Variants in MMP9 observed in about 807,000 individuals in gnomAD.
MMP9 encodes matrix metalloproteinase-9.
A neutral mutation model predicts 76.4 loss-of-function variants in MMP9; 73 were observed. That is an observed-to-expected ratio of 0.96 (90% CI 0.79 to 1.16). MMP9 has a LOEUF of 1.16. Among genes scored for constraint, MMP9 ranks in the 50% most tolerant of loss-of-function variants. The pLI is 0.00. For synonymous variants in MMP9, 412 were observed against 408.4 expected (o/e 1.01, Z -0.11); for missense variants, 943 against 973.0 (o/e 0.97, Z 0.41).
At position 46,011,728 on chromosome 20, in the gene MMP9, C is replaced by T. The variant is rs769668671; in HGVS notation, c.978C>T (p.Phe326=). 6 of 1,612,702 alleles carry T rather than the reference C, an allele frequency of 3.7e-6. No individual in the cohort carries two copies. The highest frequency in any genetic ancestry group is 2.2e-5 in the East Asian group (1 of 44,866). The change falls in exon 6 of 13, where the codon TTC becomes TTT. Residue 326 remains phenylalanine, a synonymous_variant. Transcript: ENST00000372330. The part of the protein sequence containing the change: ...TTANYDRDKL[F]GFCPTRADST... ...CCAACTACGACCGGGACAAGCTCTT[C>T]GGCTTCTGCCCGACCCGAGGTACCT...
rs2084306555 is a variant in MMP9 at position 46,014,394 on chromosome 20, T to C, written c.1925T>C (p.Val642Ala). ...LWRFDVKAQM[V>A]DPRSASEVDR... ...AGGTTCGACGTGAAGGCGCAGATGG[T>C]GGATCCCCGGAGCGCCAGCGAGGTG... The change falls in exon 12 of 13, where the codon GTG becomes GCG. Residue 642 changes from valine to alanine, a missense_variant. Val to Ala is a moderately conservative substitution (Grantham distance 64). Coordinates refer to ENST00000372330, the MANE Select transcript of MMP9 (RefSeq NM_004994.3). The C allele has an allele frequency of 1.9e-6, 3 of 1,549,196 alleles. No homozygotes were observed. Among genetic ancestry groups the C allele is most frequent in the Non-Finnish European group, 1.7e-6 (2 of 1,146,976 alleles).
At chr20:46,014,511 A>T (rs1400396700) in intron 12 of MMP9, 37 bp downstream of exon 12, 1 of 1,530,194 alleles carries the variant, frequency 6.5e-7, no homozygotes, top group Non-Finnish European at 8.8e-7. Context: ...GAGACACCAC[A>T]CTAAGCTCCT....
Position 46,016,419 on chromosome 20 carries a change from C to A in MMP9, c.*51C>A. 1 of 1,456,118 alleles carries A rather than the reference C, an allele frequency of 6.9e-7. No individual in the cohort carries two copies. The highest frequency in any genetic ancestry group is 9.7e-7 in the Non-Finnish European group (1 of 1,036,246). 90.2% of individuals were successfully genotyped at this position (1,456,118 alleles called of 1,614,324 possible). ...CATGTAAATCCCCACTGGGACCAACCCTGGGGAAGGAGCCAGTTTGCCGGA... is the reference window on the plus strand; with the variant it reads ...CATGTAAATCCCCACTGGGACCAACACTGGGGAAGGAGCCAGTTTGCCGGA... On this transcript the variant is annotated 3_prime_UTR_variant, in exon 13 of 13. Coordinates refer to ENST00000372330, the MANE Select transcript of MMP9 (RefSeq NM_004994.3).
intron 5 of MMP9, 120 bp downstream of exon 5, chr20:46,011,436 C>T: frequency 1.3e-6 from 2 of 1,565,572 alleles, no homozygotes; most frequent in Non-Finnish European, 1.7e-6. Flanking sequence ...GCACTCTGGG[C>T]CCAATTTTCT....
rs1188635844 is a variant in MMP9, at chr20:46,010,012, A to G, written c.285A>G (p.Arg95=). ...ATAGCGCCACGCTGAAGGCCATGCG[A>G]ACCCCACGGTGCGGGGTCCCAGACC... ...ELDSATLKAM[R]TPRCGVPDLG... is the part of the protein sequence containing the mutation. The change falls in exon 2 of 13, where the codon CGA becomes CGG. Residue 95 remains arginine, a synonymous_variant. Transcript: ENST00000372330. 8 of 1,551,524 alleles carry G rather than the reference A, an allele frequency of 5.2e-6. No homozygotes were observed. In the Admixed American group the frequency reaches 7.8e-5, roughly 15 times the overall value.
chr20:46,011,722 G>A lies in MMP9; in HGVS notation c.972G>A (p.Lys324=), dbSNP rs41426845. Residue 324 remains lysine, a synonymous_variant, in exon 6 of 13, where the codon AAG becomes AAA. Transcript: ENST00000372330. ...CATTANYDRD[K]LFGFCPTRAD... is the part of the protein sequence containing the mutation. ...CCACCGCCAACTACGACCGGGACAA[G>A]CTCTTCGGCTTCTGCCCGACCCGAG... is the stretch of plus-strand genomic sequence containing the variant. 97 of 1,613,068 alleles carry A rather than the reference G, an allele frequency of 6.0e-5. 1 individual carries two copies. The East Asian group carries it at 2.0e-3, about 33-fold the overall frequency.
intron 8 of MMP9, 149 bp downstream of exon 8, chr20:46,012,731 A>C (rs2084291411): frequency 1.7e-6 from 2 of 1,193,128 alleles, no homozygotes; most frequent in South Asian, 1.4e-5. Flanking sequence ...GCCTGGGCCC[A>C]GTCGCTGCCA....
Position 46,011,744 on chromosome 20 carries a change from CGAGGTACCTCCACCCTGTCTACCA to C in MMP9, c.996_997+22del, listed in dbSNP as rs755102156. 2 of 1,610,724 alleles carry C rather than the reference CGAGGTACCTCCACCCTGTCTACCA, an allele frequency of 1.2e-6. No individual in the cohort carries two copies. The highest frequency in any genetic ancestry group is 1.7e-5 in the Admixed American group (1 of 59,956). ...CAAGCTCTTCGGCTTCTGCCCGACCCGAGGTACCTCCACCCTGTCTACCAGGTTCAGCCCCGCCCTCTCATCATG... is the reference window on the plus strand; with the variant it reads ...CAAGCTCTTCGGCTTCTGCCCGACCCGGTTCAGCCCCGCCCTCTCATCATG... On this transcript the variant is annotated splice_donor_variant and splice_donor_5th_base_variant and coding_sequence_variant and intron_variant, in exon 6 of 13. Transcript: ENST00000372330. LOFTEE classifies it high-confidence loss of function.
chr20:46,015,296 C>G (rs1407458602), intron 12 of MMP9, among the ~76,000 whole-genome samples: 2 of 152,218 alleles, frequency 1.3e-5, no homozygotes, highest in Non-Finnish European at 2.9e-5. Context: ...GTCTGGAAAG[C>G]TTCCCCTCCA....
chr20:46,015,431 ATTTTCTTTTTTTTTCTT>A (rs1395573631), intron 12 of MMP9, among the ~76,000 whole-genome samples: 123 of 143,078 alleles, frequency 8.6e-4, no homozygotes, highest in African/African-American at 3.0e-3. Context: ...AGCTTTCTAT[ATTTTCTTTTTTTTTCTT>A]TTTTCTTTTT....
intron 5 of MMP9, 28 bp from the exon 6 acceptor site, chr20:46,011,546 C>G (rs2084278602): frequency 6.2e-7 from 1 of 1,613,800 alleles, no homozygotes; most frequent in Non-Finnish European, 8.5e-7. Flanking sequence ...CCGCCTTCTC[C>G]CCCTTTCCCA....
At chr20:46,016,031 G>A (rs2084319241) in intron 12 of MMP9, among the ~76,000 whole-genome samples, 1 of 152,230 alleles carries the variant, frequency 6.6e-6, no homozygotes, top group African/African-American at 2.4e-5. Flanking sequence ...CCTACTGTGT[G>A]CTAGGCTCTG....
At position 46,013,289 on chromosome 20, in the gene MMP9, C is replaced by G. The variant is rs199821166; in HGVS notation, c.1365C>G (p.Thr455=). The G allele has an allele frequency of 7.2e-4, 1,161 of 1,614,086 alleles. No homozygotes were observed. Among genetic ancestry groups the G allele is most frequent in the Non-Finnish European group, 9.4e-4 (1,115 of 1,179,982 alleles). ...PRPEPEPRPP[T]TTTPQPTAPP... ...CTGAACCTGAGCCACGGCCTCCAACCACCACCACACCGCAGCCCACGGCTC... is the reference window on the plus strand; with the variant it reads ...CTGAACCTGAGCCACGGCCTCCAACGACCACCACACCGCAGCCCACGGCTC... The change falls in exon 9 of 13, where the codon ACC becomes ACG. Residue 455 remains threonine (T), a synonymous_variant. Transcript: ENST00000372330. The surrounding 1 kb of genome is among the most constrained non-coding windows in gnomAD (Gnocchi z 4.5).
chr20:46,014,547 G>T lies in MMP9; in HGVS notation c.2005+73G>T, dbSNP rs2084307999. 5.5e-6 allele frequency: 8 copies of T among 1,443,522 alleles called. No homozygotes were observed. The South Asian group carries it at 9.8e-5, about 18-fold the overall frequency. The allele number at this position is 1,443,522 out of a possible 1,614,324, so 89.4% of individuals were successfully genotyped here. On this transcript the variant is annotated intron_variant, in intron 12 of 12. Transcript: ENST00000372330. ...CTTAGTGAGTGGTCAAATTCTGAGC[G>T]AGGAAGAAAAAGCCCTTGGAAATGG...
In MMP9 at chr20:46,013,120, T is replaced by C. The variant is rs1463530155; in HGVS notation, c.1331-135T>C. 1 of 1,028,510 alleles carries C rather than the reference T, an allele frequency of 9.7e-7. No homozygotes were observed. Among genetic ancestry groups the C allele is most frequent in the African/African-American group, 1.6e-5 (1 of 63,278 alleles). The allele number at this position is 1,028,510 out of a possible 1,614,324, so 63.7% of individuals were successfully genotyped here. A position where few individuals can be genotyped will look rare whatever the true frequency, so the allele number is the denominator to read the frequency against. On this transcript the variant is annotated intron_variant, in intron 8 of 12. Coordinates refer to ENST00000372330, the MANE Select transcript of MMP9 (RefSeq NM_004994.3). The surrounding 1 kb of genome is among the most constrained non-coding windows in gnomAD (Gnocchi z 4.5). The stretch of plus-strand genomic sequence containing the variant: ...AAAGAAGAAGAAGAAAGTCCTGTGG[T>C]TTGGGAAGGGAGGCTGAGTGAGGAG...
At chr20:46,010,850 C>CT (rs1228088350) in intron 3 of MMP9, 72 bp from the exon 4 acceptor site, 1 of 1,613,002 alleles carries the variant, frequency 6.2e-7, no homozygotes, top group Non-Finnish European at 8.5e-7. Context: ...TTTCGGAGCC[C>CT]TTGCCTTGGG....
intron 8 of MMP9, among the ~76,000 whole-genome samples, chr20:46,012,943 G>A (rs1053563348): frequency 1.5e-4 from 23 of 152,110 alleles, no homozygotes; most frequent in Non-Finnish European, 2.9e-5. Flanking sequence ...AAAAATAAAT[G>A]AGCAAGGCGT....
chr20:46,015,543 C>A (rs1240917315), intron 12 of MMP9, among the ~76,000 whole-genome samples: 3 of 151,298 alleles, frequency 2.0e-5, no homozygotes, highest in African/African-American at 7.3e-5. Flanking sequence ...CTCCGCCTCC[C>A]GGGTTCAAGC....
Position 46,011,715 on chromosome 20 carries a change from G to C in MMP9, c.965G>C (p.Arg322Pro), listed in dbSNP as rs959838806. The stretch of plus-strand genomic sequence containing the variant: ...TGCGCCACCACCGCCAACTACGACC[G>C]GGACAAGCTCTTCGGCTTCTGCCCG... ...RWCATTANYD[R>P]DKLFGFCPTR... Residue 322 changes from arginine to proline, a missense_variant, in exon 6 of 13, where the codon CGG becomes CCG. By Grantham distance (103) the Arg-to-Pro change is moderately radical (BLOSUM62 -2). Coordinates refer to ENST00000372330, the MANE Select transcript of MMP9 (RefSeq NM_004994.3). The C allele has an allele frequency of 8.7e-6, 14 of 1,613,414 alleles. No homozygotes were observed. The African/African-American group carries it at 9.3e-5, about 11-fold the overall frequency.
Sources: allele counts gnomAD v4.1 joint callset (sites outside exome capture counted in the v4.1 genomes callset), GRCh38; gene constraint gnomAD v4.1.1; non-coding constraint Gnocchi (gnomAD v3.1); transcripts MANE v1.5; gene names NCBI Gene and HGNC (gene_info 2026-07-23, HGNC 2026-07-21).